METTL16: variants seen among roughly 807,000 people sequenced by gnomAD.
METTL16 encodes RNA N(6)-adenosine-methyltransferase METTL16.
Under a neutral mutation model 57.9 loss-of-function variants are expected in METTL16, and 19 were observed. That is an observed-to-expected ratio of 0.33 (90% confidence interval 0.23 to 0.48). The LOEUF is 0.48. METTL16 is among the 20% of genes least tolerant of loss of function. METTL16 has a pLI of 0.99. For synonymous variants in METTL16, 246 were observed against 255.6 expected, an observed-to-expected ratio of 0.96 and a Z score of 0.36; for missense variants, 434 against 691.5, an observed-to-expected ratio of 0.63 and a Z score of 4.18.
intron 4 of METTL16, among the ~76,000 whole-genome samples, chr17:2,469,708 A>G (rs2067224238): frequency 6.6e-6 from 1 of 152,180 alleles, no homozygotes; most frequent in Admixed American, 6.6e-5. Context: ...TATTTTTAGT[A>G]GAGATGGAGT....
Position 2,420,144 on chromosome 17 carries a change from T to C in METTL16, c.1515A>G (p.Lys505=). The C allele has an allele frequency of 1.2e-6, 2 of 1,614,208 alleles. No individual in the cohort carries two copies. Among genetic ancestry groups the C allele is most frequent in the Non-Finnish European group, 1.7e-6 (2 of 1,180,034 alleles). Residue 505 remains lysine (K), a synonymous_variant, in exon 10 of 10, where the codon AAA becomes AAG. Coordinates refer to ENST00000263092, the MANE Select transcript of METTL16 (RefSeq NM_024086.4). The surrounding 1 kb of genome is among the most constrained non-coding windows in gnomAD (Gnocchi z 5.4). Reference sequence around the variant, plus strand: ...ACTGTCCGGCCACTCCTGGGAGACGTTTCCCCCTTTCAGCCACTGGGCTGC... The same window carrying C: ...ACTGTCCGGCCACTCCTGGGAGACGCTTCCCCCTTTCAGCCACTGGGCTGC... ...QFGSPVAERG[K]RLPGVAGQYL... is the part of the protein sequence containing the mutation.
chr17:2,480,135 G>A (rs535848502), intron 2 of METTL16, among the ~76,000 whole-genome samples: 2 of 149,338 alleles, frequency 1.3e-5, no homozygotes, highest in South Asian at 2.1e-4. Flanking sequence ...GCAGTGAGCC[G>A]AGACTGTGCC....
chr17:2,437,499 T>A (rs973687726), intron 8 of METTL16, among the ~76,000 whole-genome samples: 1 of 151,972 alleles, frequency 6.6e-6, no homozygotes, highest in Non-Finnish European at 1.5e-5. Context: ...CTGCAAAATG[T>A]TTCTACAGGT....
At position 2,498,158 on chromosome 17, in the gene METTL16, C is replaced by T. The variant is rs1229541221; in HGVS notation, c.128+4046G>A. ...GCAGTGAGCCGAGATCGCGCCACTGCACTCCAGCCTGGGCGACAGAGTAAG... is the reference window on the plus strand; with the variant it reads ...GCAGTGAGCCGAGATCGCGCCACTGTACTCCAGCCTGGGCGACAGAGTAAG... On this transcript the variant is annotated intron_variant, in intron 2 of 9. Coordinates refer to ENST00000263092, the MANE Select transcript of METTL16 (RefSeq NM_024086.4). 8.6e-5 allele frequency among the ~76,000 whole-genome samples: 13 copies of T among 150,738 alleles called. 1 individual carries two copies. Among genetic ancestry groups the T allele is most frequent in the African/African-American group, 3.2e-4 (13 of 40,538 alleles).
At chr17:2,463,012 T>C (rs1040081864) in intron 6 of METTL16, among the ~76,000 whole-genome samples, 1 of 152,174 alleles carries the variant, frequency 6.6e-6, no homozygotes, top group African/African-American at 2.4e-5. Context: ...AAATAGCTCT[T>C]TTTGAGTACC....
At chr17:2,468,844 C>T (rs975118251) in intron 4 of METTL16, among the ~76,000 whole-genome samples, 8 of 152,026 alleles carry the variant, frequency 5.3e-5, no homozygotes, top group Non-Finnish European at 1.2e-4. Context: ...GCCATGATCA[C>T]GCCACGGCAC....
At chr17:2,502,166 C>G in intron 2 of METTL16, 38 bp downstream of exon 2, 5 of 1,600,710 alleles carry the variant, frequency 3.1e-6, no homozygotes, top group Non-Finnish European at 4.3e-6. Flanking sequence ...CCATTTGAAT[C>G]ACACAAGAAT....
At chr17:2,460,597 T>C (rs1479936896) in intron 6 of METTL16, among the ~76,000 whole-genome samples, 1 of 152,096 alleles carries the variant, frequency 6.6e-6, no homozygotes, top group East Asian at 1.9e-4. Flanking sequence ...TCAAAAGCCA[T>C]AATGAGGGTT....
intron 6 of METTL16, among the ~76,000 whole-genome samples, chr17:2,446,243 A>C (rs1354026518): frequency 6.6e-6 from 1 of 152,224 alleles, no homozygotes; most frequent in Non-Finnish European, 1.5e-5. Flanking sequence ...GGAATGATGC[A>C]AGATGGCCAC....
At chr17:2,495,373 A>C (rs528101032) in intron 2 of METTL16, among the ~76,000 whole-genome samples, 96 of 152,184 alleles carry the variant, frequency 6.3e-4, no homozygotes, top group African/African-American at 2.1e-3. Context: ...TGATGAGAGG[A>C]GGTCATTATC....
At chr17:2,505,710 G>C (rs1482486172) in intron 1 of METTL16, among the ~76,000 whole-genome samples, 1 of 151,832 alleles carries the variant, frequency 6.6e-6, no homozygotes, top group East Asian at 1.9e-4. Flanking sequence ...CCTCTTAATT[G>C]GTCTCCCTGC....
At position 2,452,136 on chromosome 17, in the gene METTL16, C is replaced by CAAA. The variant is rs1268908998; in HGVS notation, c.729-10580_729-10578dup. Reference sequence around the variant, plus strand: ...TGGATGACAGAGCAAGCCCTTGTCTCAAAAAAAAAAAAAAAAAAAAGATAC... The same window carrying CAAA: ...TGGATGACAGAGCAAGCCCTTGTCTCAAAAAAAAAAAAAAAAAAAAAAAGATAC... On this transcript the variant is annotated intron_variant, in intron 6 of 9. Transcript: ENST00000263092. 1.4e-3 allele frequency among the ~76,000 whole-genome samples: 84 copies of CAAA among 62,140 alleles called. 1 individual carries two copies. Among genetic ancestry groups the CAAA allele is most frequent in the African/African-American group, 3.2e-3 (78 of 24,736 alleles). The allele number at this position is 62,140 out of a possible 152,430, so 40.8% of individuals were successfully genotyped here.
chr17:2,479,161 GGTTTT>G (rs563805995), intron 2 of METTL16, among the ~76,000 whole-genome samples: 53 of 151,800 alleles, frequency 3.5e-4, no homozygotes, highest in East Asian at 7.7e-4. Flanking sequence ...GGTTTTTGTG[GGTTTT>G]GTTTTGTTTT....
chr17:2,504,689 G>A (rs1213666739), intron 1 of METTL16, among the ~76,000 whole-genome samples: 1 of 151,998 alleles, frequency 6.6e-6, no homozygotes, highest in Middle Eastern at 3.2e-3. Flanking sequence ...CCGAGTAGCT[G>A]GGACTATAGG....
chr17:2,501,707 C>G (rs542335460), intron 2 of METTL16, among the ~76,000 whole-genome samples: 8 of 152,024 alleles, frequency 5.3e-5, no homozygotes, highest in African/African-American at 1.9e-4. Context: ...AAAATACAGA[C>G]GTTGGCTGAG....
intron 6 of METTL16, among the ~76,000 whole-genome samples, chr17:2,462,701 T>A (rs1415316461): frequency 1.3e-5 from 2 of 152,104 alleles, no homozygotes; most frequent in Admixed American, 6.6e-5. Flanking sequence ...CCGCCATGAT[T>A]GTACGTTTCC....
In METTL16 at chr17:2,507,441, C is replaced by T. The variant is rs376085817; in HGVS notation, c.-1+4318G>A. On this transcript the variant is annotated intron_variant, in intron 1 of 9. Transcript: ENST00000263092. ...GAGGTGAGGGGTGCCTCTGCCCGGC[C>T]GCCCCTACTGGGAAGTGAGGAGCCC... Among the ~76,000 whole-genome samples, 1,177 of 149,834 alleles carry T rather than the reference C, an allele frequency of 7.9e-3. 9 individuals carry two copies. The highest frequency in any genetic ancestry group is 0.029 in the Middle Eastern group (8 of 278).
intron 8 of METTL16, among the ~76,000 whole-genome samples, chr17:2,434,867 AGAGTTCCT>A (rs1250651541): frequency 6.6e-6 from 1 of 152,236 alleles, no homozygotes; most frequent in Admixed American, 6.5e-5. Context: ...TTTTAAGCCC[AGAGTTCCT>A]GAGCAGTGCT....
At chr17:2,506,433 A>G (rs1383260478) in intron 1 of METTL16, among the ~76,000 whole-genome samples, 8 of 151,736 alleles carry the variant, frequency 5.3e-5, no homozygotes, top group Non-Finnish European at 7.4e-5. Flanking sequence ...TTGCAGGCGC[A>G]CGCCGCCACG....
Sources: gnomAD v4.1 joint callset for allele counts (sites outside exome capture counted in the v4.1 genomes callset) on GRCh38, gnomAD v4.1.1 for gene constraint, Gnocchi (gnomAD v3.1) non-coding constraint, MANE v1.5 for transcripts, NCBI Gene and HGNC (gene_info 2026-07-23, HGNC 2026-07-21) for gene names.